ALDH1A2: variants seen among roughly 807,000 people sequenced by gnomAD.
ALDH1A2 encodes retinal dehydrogenase 2.
A neutral mutation model predicts 60.3 loss-of-function variants in ALDH1A2; 27 were observed. The ratio of observed to expected loss-of-function variants is 0.45; its 90% CI spans 0.33 to 0.62. The LOEUF (loss-of-function observed/expected upper bound fraction) is 0.62, where lower values mean the gene tolerates loss of function less well. Ranked by LOEUF, ALDH1A2 falls within the 20% of genes least tolerant of loss-of-function variation. The pLI, the probability that ALDH1A2 is intolerant of heterozygous loss-of-function variation, is 0.02. For synonymous variants in ALDH1A2, 289 were observed against 232.4 expected (o/e 1.24, Z -2.21); for missense variants, 581 against 643.8 (o/e 0.90, Z 1.06).
At chr15:57,962,321 A>C (rs1485233638) in intron 9 of ALDH1A2, 145 bp from the exon 10 acceptor site, 1 of 1,004,892 alleles carries the variant, frequency 1.0e-6, no homozygotes, top group Non-Finnish European at 1.5e-6. Context: ...GTTACTTACC[A>C]ATTTTTGACC....
chr15:57,980,271 CA>C, intron 7 of ALDH1A2: 5 of 370,908 alleles, frequency 1.3e-5, no homozygotes, highest in South Asian at 4.9e-5. Flanking sequence ...CCTGCTAGGG[CA>C]AAAAGAGACA....
chr15:58,008,844 A>G (rs1324872539), intron 4 of ALDH1A2, among the ~76,000 whole-genome samples: 3 of 152,044 alleles, frequency 2.0e-5, no homozygotes, highest in African/African-American at 7.2e-5. Flanking sequence ...AGGCCCTCTA[A>G]TAGGTATGCT....
chr15:58,027,921 G>C (rs570658042), intron 1 of ALDH1A2, among the ~76,000 whole-genome samples: 1 of 152,268 alleles, frequency 6.6e-6, no homozygotes, highest in Admixed American at 6.5e-5. Context: ...CTCTATGTTT[G>C]ATTGGTGTAC....
intron 12 of ALDH1A2, among the ~76,000 whole-genome samples, chr15:57,957,281 C>T (rs1302396529): frequency 6.6e-6 from 1 of 152,132 alleles, no homozygotes. Context: ...CCTCAGTATA[C>T]ATAAGTATCA....
intron 7 of ALDH1A2, among the ~76,000 whole-genome samples, chr15:57,987,970 G>A (rs34226780): frequency 0.46 from 70,083 of 151,072 alleles, 16,703 homozygotes; most frequent in Non-Finnish European, 0.53. Flanking sequence ...GTAGACCTAC[G>A]CTACAAGAAA....
intron 7 of ALDH1A2, among the ~76,000 whole-genome samples, chr15:57,972,483 G>GTACTC (rs1364895331): frequency 6.6e-6 from 1 of 152,168 alleles, no homozygotes; most frequent in African/African-American, 2.4e-5. Context: ...CAAGCCAAAA[G>GTACTC]TACTCTATGT....
At chr15:57,961,407 G>A (rs1893715961) in intron 10 of ALDH1A2, 113 bp from the exon 11 acceptor site, 2 of 1,320,006 alleles carry the variant, frequency 1.5e-6, no homozygotes, top group Non-Finnish European at 2.1e-6. Flanking sequence ...TTTAAGTTTA[G>A]CAGTACAAAA....
rs750159365 is a variant in ALDH1A2, at chr15:58,065,685, G to T, written c.-35C>A. On this transcript the variant is annotated 5_prime_UTR_variant, in exon 1 of 13. Coordinates refer to ENST00000249750, the MANE Select transcript of ALDH1A2 (RefSeq NM_003888.4). ...CCGGGTGTCCCTAGCCCGCGGCGTG[G>T]GGCAGTGCGGGCTGTGCGCGCGGTC... 5 of 1,440,590 alleles carry T rather than the reference G, an allele frequency of 3.5e-6. No homozygotes were observed. Among genetic ancestry groups the T allele is most frequent in the Non-Finnish European group, 1.9e-6 (2 of 1,068,984 alleles). 89.2% of individuals were successfully genotyped at this position (1,440,590 alleles called of 1,614,324 possible).
intron 1 of ALDH1A2, among the ~76,000 whole-genome samples, chr15:58,015,461 C>T (rs1313278522): frequency 6.6e-6 from 1 of 152,162 alleles, no homozygotes; most frequent in Non-Finnish European, 1.5e-5. Flanking sequence ...ATTTGTAGAG[C>T]ACTTAACACA....
Position 57,965,730 on chromosome 15 carries a change from G to C in ALDH1A2, c.896C>G (p.Ala299Gly), listed in dbSNP as rs1276511608. ...GGGACCTGTAGTTGACTTACAGTCAGCATCAGCAAAAATAATATTAGGACT... is the reference window on the plus strand; with the variant it reads ...GGGACCTGTAGTTGACTTACAGTCACCATCAGCAAAAATAATATTAGGACT... ...GKSPNIIFAD[A>G]DLDYAVEQAH... Residue 299 changes from alanine to glycine, a missense_variant, in exon 8 of 13, where the codon GCT (alanine) becomes GGT (glycine). Physicochemically the swap from Ala to Gly is moderately conservative, Grantham distance 60. Around this residue, in one of 2 missense-constraint regions of ALDH1A2, gnomAD observed 375 missense variants for 469.7 expected, o/e 0.80. Transcript: ENST00000249750. 3 of 1,608,050 alleles carry C rather than the reference G, an allele frequency of 1.9e-6. No homozygotes were observed. Among genetic ancestry groups the C allele is most frequent in the East Asian group, 4.5e-5 (2 of 44,860 alleles).
At chr15:57,999,924 TG>T (rs1255741934) in intron 4 of ALDH1A2, among the ~76,000 whole-genome samples, 2 of 151,964 alleles carry the variant, frequency 1.3e-5, no homozygotes, top group East Asian at 3.9e-4. Context: ...GGACAATAGA[TG>T]GAGCTGGAAG....
intron 4 of ALDH1A2, among the ~76,000 whole-genome samples, chr15:58,007,011 T>G (rs1895481118): frequency 6.6e-6 from 1 of 151,910 alleles, no homozygotes; most frequent in Non-Finnish European, 1.5e-5. Flanking sequence ...AAGAATGCTG[T>G]AATGTGCCTT....
chr15:58,010,530 T>C (rs1401430724), intron 4 of ALDH1A2, 119 bp downstream of exon 4: 8 of 1,369,492 alleles, frequency 5.8e-6, no homozygotes, highest in Admixed American at 5.8e-5. Context: ...CACTCAGTTC[T>C]AACTGCTGTA....
At chr15:58,065,264 T>G in intron 1 of ALDH1A2, 2 of 478,788 alleles carry the variant, frequency 4.2e-6, no homozygotes, top group Non-Finnish European at 7.6e-6. Flanking sequence ...GAAACCAGCC[T>G]CAGAGTCCGG....
intron 1 of ALDH1A2, among the ~76,000 whole-genome samples, chr15:58,061,449 A>G (rs1284240454): frequency 6.6e-6 from 1 of 151,870 alleles, no homozygotes. Context: ...AAAAAATCTC[A>G]TAGAAAAATC....
intron 7 of ALDH1A2, among the ~76,000 whole-genome samples, chr15:57,988,036 C>CACAA (rs1244518469): frequency 2.6e-5 from 4 of 152,168 alleles, no homozygotes; most frequent in South Asian, 4.1e-4. Flanking sequence ...GGGCCTACAA[C>CACAA]ACAAACAAGG....
intron 1 of ALDH1A2, among the ~76,000 whole-genome samples, chr15:58,023,538 C>A (rs12915989): frequency 0.48 from 72,232 of 151,730 alleles, 17,621 homozygotes; most frequent in Non-Finnish European, 0.54. Context: ...AAAATCCTAA[C>A]AACAGCAACA....
chr15:58,034,842 T>G (rs997376826), intron 1 of ALDH1A2, among the ~76,000 whole-genome samples: 2 of 151,662 alleles, frequency 1.3e-5, no homozygotes, highest in African/African-American at 4.8e-5. Flanking sequence ...TGGTGTATAA[T>G]TCTTTTTATA....
chr15:58,017,327 G>A (rs752044227), intron 1 of ALDH1A2, among the ~76,000 whole-genome samples: 2 of 152,158 alleles, frequency 1.3e-5, no homozygotes, highest in Non-Finnish European at 2.9e-5. Flanking sequence ...GACAAATGCT[G>A]AAGGTAGGTA....
Sources: allele counts gnomAD v4.1 joint callset (sites outside exome capture counted in the v4.1 genomes callset), GRCh38; gene constraint gnomAD v4.1.1; regional missense constraint gnomAD v4.1.1; transcripts MANE v1.5; gene names NCBI Gene and HGNC (gene_info 2026-07-23, HGNC 2026-07-21).